Variants in RARA observed in about 807,000 individuals in gnomAD.
RARA encodes the protein retinoic acid receptor alpha.
RARA carries 5 observed loss-of-function variants against 42.8 expected under a neutral mutation model. That is an observed-to-expected ratio of 0.12 (90% CI 0.06 to 0.25). The LOEUF (loss-of-function observed/expected upper bound fraction) is 0.25, where lower values mean the gene tolerates loss of function less well. Among genes scored for constraint, RARA ranks in the 10% least tolerant of loss-of-function variants. RARA has a pLI of 1.00. For missense variants in RARA, 402 were observed against 628.7 expected (o/e 0.64, Z 3.86); for synonymous variants, 256 against 259.5 (o/e 0.99, Z 0.13).
Position 40,352,958 on chromosome 17 carries a change from C to T in RARA, c.807+451C>T, listed in dbSNP as rs561930346. On this transcript the variant is annotated intron_variant, in intron 6 of 8. Coordinates refer to ENST00000254066, the MANE Select transcript of RARA (RefSeq NM_000964.4). The surrounding 1 kb of genome is among the most constrained non-coding windows in gnomAD (Gnocchi z 4.9). ...CACCTAGGATCCTCTGGCCAGTGTT[C>T]GAGCTGGGTGTCAGGAACCCAGCGG... Among the ~76,000 whole-genome samples, 77 of 152,306 alleles carry T rather than the reference C, an allele frequency of 5.1e-4. No homozygotes were observed. Among genetic ancestry groups the T allele is most frequent in the African/African-American group, 1.8e-3 (73 of 41,574 alleles).
At position 40,356,169 on chromosome 17, in the gene RARA, TAGCCCC is replaced by T; in HGVS notation, c.1337_1342del (p.Pro446_Ser447del). On this transcript the variant is annotated inframe_deletion, in exon 9 of 9. Transcript: ENST00000254066. ...GCCTGGCCCCCCCGCCAGGCAGCTG[TAGCCCC>T]AGCCTCAGCCCCAGCTCCAACAGAA... 1 of 1,551,680 alleles carries T rather than the reference TAGCCCC, an allele frequency of 6.4e-7. No homozygotes were observed. Among genetic ancestry groups the T allele is most frequent in the Non-Finnish European group, 8.7e-7 (1 of 1,147,726 alleles).
chr17:40,328,530 G>T (rs1353043260), intron 1 of RARA, among the ~76,000 whole-genome samples: 3 of 151,988 alleles, frequency 2.0e-5, no homozygotes, highest in African/African-American at 7.3e-5. Flanking sequence ...ATCAATTTTA[G>T]AACACTTTCA....
Position 40,351,363 on chromosome 17 carries a change from C to T in RARA, c.470-547C>T, listed in dbSNP as rs1459504529. The stretch of plus-strand genomic sequence containing the variant: ...CTTCTTTAAAGCCGAGTGGTGTGTG[C>T]GGCTCAGCGCCCCTGGTGATTTGTC... On this transcript the variant is annotated intron_variant, in intron 4 of 8. Transcript: ENST00000254066. The surrounding 1 kb of genome is among the most constrained non-coding windows in gnomAD (Gnocchi z 4.1). 1.8e-5 allele frequency: 7 copies of T among 398,502 alleles called. No homozygotes were observed. Among genetic ancestry groups the T allele is most frequent in the African/African-American group, 2.1e-5 (1 of 47,660 alleles). 24.7% of individuals were successfully genotyped at this position (398,502 alleles called of 1,614,324 possible).
chr17:40,341,626 CA>C (rs1235388028), intron 2 of RARA: 44 of 1,348,538 alleles, frequency 3.3e-5, no homozygotes, highest in Non-Finnish European at 4.1e-5. Context: ...GTGGGTGGGT[CA>C]CTCGGAGGTG....
At position 40,326,875 on chromosome 17, in the gene RARA, T is replaced by G. The variant is rs554811031; in HGVS notation, c.-362-3982T>G. Among the ~76,000 whole-genome samples the G allele has an allele frequency of 5.3e-4, 81 of 152,282 alleles. No individual in the cohort carries two copies. Among genetic ancestry groups the G allele is most frequent in the African/African-American group, 1.9e-3 (77 of 41,550 alleles). ...CTGATGGACCTTCTGAGGCAGAGTCTGTGCCCTTTTGGGCCCACCCTGGTC... is the reference window on the plus strand; with the variant it reads ...CTGATGGACCTTCTGAGGCAGAGTCGGTGCCCTTTTGGGCCCACCCTGGTC... On this transcript the variant is annotated intron_variant, in intron 1 of 8. Transcript: ENST00000254066. The surrounding 1 kb of genome is among the most constrained non-coding windows in gnomAD (Gnocchi z 5.2).
At chr17:40,343,287 A>C (rs969934865) in intron 2 of RARA, among the ~76,000 whole-genome samples, 1 of 152,104 alleles carries the variant, frequency 6.6e-6, no homozygotes, top group African/African-American at 2.4e-5. Context: ...GCCAGATCCC[A>C]CTTGCCAAAG....
chr17:40,330,381 TG>T (rs948477031), intron 1 of RARA, among the ~76,000 whole-genome samples: 2 of 152,102 alleles, frequency 1.3e-5, no homozygotes, highest in Non-Finnish European at 2.9e-5. Flanking sequence ...GGCTTGGATC[TG>T]GGGGGGAAGT....
chr17:40,342,142 G>C, intron 2 of RARA: 6 of 1,027,556 alleles, frequency 5.8e-6, no homozygotes, highest in Non-Finnish European at 5.9e-6. Flanking sequence ...GGGGCGCGCA[G>C]AGCTGGGGTG....
chr17:40,323,736 G>T (rs2033458256), intron 1 of RARA, among the ~76,000 whole-genome samples: 2 of 144,582 alleles, frequency 1.4e-5, no homozygotes, highest in Admixed American at 1.4e-4. Context: ...TTGCTTGGGG[G>T]GGGGTCAATG....
intron 2 of RARA, among the ~76,000 whole-genome samples, chr17:40,337,428 GAGAA>G (rs1305132504): frequency 6.6e-6 from 1 of 152,286 alleles, no homozygotes; most frequent in East Asian, 1.9e-4. Context: ...GAAGGCTGGA[GAGAA>G]AGAAAGATAA....
rs547659907 is a variant in RARA at position 40,351,598 on chromosome 17, C to T, written c.470-312C>T. On this transcript the variant is annotated intron_variant, in intron 4 of 8. Transcript: ENST00000254066. This position sits in a 1 kb window ranked among gnomAD's most constrained non-coding sequence, Gnocchi z 4.1. The stretch of plus-strand genomic sequence containing the variant: ...GGCAGAGCACCTAGGAGGGCACCGT[C>T]GCCTGGAGTGTGAGCTGGAGTAGAC... The T allele has an allele frequency of 1.7e-4, 81 of 481,430 alleles. No individual in the cohort carries two copies. Among genetic ancestry groups the T allele is most frequent in the Admixed American group, 3.3e-4 (12 of 36,106 alleles). 29.8% of individuals were successfully genotyped at this position (481,430 alleles called of 1,614,324 possible).
Position 40,357,546 on chromosome 17 carries a change from G to A in RARA, c.*1320G>A, listed in dbSNP as rs1598594519. 1 of 232,654 alleles carries A rather than the reference G, an allele frequency of 4.3e-6. No homozygotes were observed. The highest frequency in any genetic ancestry group is 1.8e-4 in the South Asian group (1 of 5,528). 14.4% of individuals were successfully genotyped at this position (232,654 alleles called of 1,614,324 possible). A position where few individuals can be genotyped will look rare whatever the true frequency, so the allele number is the denominator to read the frequency against. On this transcript the variant is annotated 3_prime_UTR_variant, in exon 9 of 9. Coordinates refer to ENST00000254066, the MANE Select transcript of RARA (RefSeq NM_000964.4). ...CTCTGCCCCGACCTCCTTCACCAGG[G>A]GTTGGGGCCCCTTCCCCTGGAGCCC...
chr17:40,314,648 C>T (rs1485106457), intron 1 of RARA, among the ~76,000 whole-genome samples: 1 of 151,544 alleles, frequency 6.6e-6, no homozygotes, highest in Non-Finnish European at 1.5e-5. Context: ...TGCCAGGGGG[C>T]GCATGTAACC....
At chr17:40,342,058 C>G (rs1032507073) in intron 2 of RARA, 5 of 1,035,960 alleles carry the variant, frequency 4.8e-6, no homozygotes, top group Non-Finnish European at 5.8e-6. Context: ...CCGGACGCGC[C>G]GGGAATGGGT....
At chr17:40,311,708 C>G (rs1030581863) in intron 1 of RARA, among the ~76,000 whole-genome samples, 6 of 152,154 alleles carry the variant, frequency 3.9e-5, no homozygotes, top group African/African-American at 1.4e-4. Flanking sequence ...GCCTGTGGTG[C>G]AGGGCTCCCC....
In RARA at chr17:40,355,496, A is replaced by G. The variant is rs948481462; in HGVS notation, c.1171+75A>G. 1.7e-5 allele frequency: 26 copies of G among 1,516,068 alleles called. No homozygotes were observed. Among genetic ancestry groups the G allele is most frequent in the Non-Finnish European group, 2.3e-5 (26 of 1,123,210 alleles). The allele number at this position is 1,516,068 out of a possible 1,614,324, so 93.9% of individuals were successfully genotyped here. ...GCCCCCACATCCAAGCCAGCACCCC[A>G]TGTCTTTGTGCCAGGACAATACGAC... On this transcript the variant is annotated intron_variant, in intron 8 of 8. Transcript: ENST00000254066. The surrounding 1 kb of genome is among the most constrained non-coding windows in gnomAD (Gnocchi z 4.1).
At chr17:40,321,808 C>T (rs890880569) in intron 1 of RARA, among the ~76,000 whole-genome samples, 4 of 152,186 alleles carry the variant, frequency 2.6e-5, no homozygotes, top group Non-Finnish European at 5.9e-5. Flanking sequence ...GTAATTTCTG[C>T]AGCTAGGCAA....
chr17:40,327,455 C>T (rs2033578605), intron 1 of RARA, among the ~76,000 whole-genome samples: 1 of 152,176 alleles, frequency 6.6e-6, no homozygotes, highest in South Asian at 2.1e-4. Flanking sequence ...ACAGGGAGGA[C>T]CTCAGAGCAT....
At chr17:40,312,705 G>A (rs1330364397) in intron 1 of RARA, among the ~76,000 whole-genome samples, 1 of 152,190 alleles carries the variant, frequency 6.6e-6, no homozygotes, top group Non-Finnish European at 1.5e-5. Flanking sequence ...GGGTGGAAGA[G>A]TCCTGGCACC....
Sources: gnomAD v4.1 joint callset for allele counts (sites outside exome capture counted in the v4.1 genomes callset) on GRCh38, gnomAD v4.1.1 for gene constraint, Gnocchi (gnomAD v3.1) non-coding constraint, MANE v1.5 for transcripts, NCBI Gene and HGNC (gene_info 2026-07-23, HGNC 2026-07-21) for gene names.